The following MOB1B variants were observed in gnomAD, a reference collection of about 807,000 sequenced individuals.
MOB1B encodes the protein MOB kinase activator 1B, also known as MOB1 Mps One Binder homolog B.
Under a neutral mutation model 24.4 loss-of-function variants are expected in MOB1B, and 19 were observed. The ratio of observed to expected loss-of-function variants is 0.78; its 90% CI spans 0.54 to 1.14. The LOEUF (loss-of-function observed/expected upper bound fraction) is 1.14, where lower values mean the gene tolerates loss of function less well. Among genes scored for constraint, MOB1B ranks in the 50% most tolerant of loss-of-function variants. MOB1B has a pLI of 0.00. For synonymous variants in MOB1B, 76 were observed against 82.1 expected, an observed-to-expected ratio of 0.93 and a Z score of 0.40; for missense variants, 243 against 259.6, an observed-to-expected ratio of 0.94 and a Z score of 0.44.
chr4:70,978,603 CAGTGCTGTAAA>C (rs1433410670), intron 4 of MOB1B, among the ~76,000 whole-genome samples: 1 of 152,130 alleles, frequency 6.6e-6, no homozygotes, highest in Non-Finnish European at 1.5e-5. Context: ...TTTTGTATTT[CAGTGCTGTAAA>C]AGTGCTGTAA....
In MOB1B at chr4:70,942,288, A is replaced by G. The variant is rs1451870566; in HGVS notation, c.15-16586A>G. Among the ~76,000 whole-genome samples the G allele has an allele frequency of 2.0e-5, 3 of 152,014 alleles. No homozygotes were observed. The East Asian group carries it at 5.8e-4, about 29-fold the overall frequency. On this transcript the variant is annotated intron_variant, in intron 1 of 5. Coordinates refer to ENST00000309395, the MANE Select transcript of MOB1B (RefSeq NM_173468.4). ...TATTAAAGTGGTCTATTAAAGTGGA[A>G]TTGCCATTTAATATTCTAGTGGTCT...
intron 1 of MOB1B, among the ~76,000 whole-genome samples, chr4:70,908,757 ACAGTGAGACTT>A (rs1735857658): frequency 7.9e-6 from 1 of 127,234 alleles, no homozygotes; most frequent in African/African-American, 3.1e-5. Context: ...CTTGGGCAAC[ACAGTGAGACTT>A]CGTCTTAAAA....
chr4:70,946,006 T>C (rs550735350), intron 1 of MOB1B, among the ~76,000 whole-genome samples: 9 of 151,670 alleles, frequency 5.9e-5, no homozygotes, highest in Non-Finnish European at 1.3e-4. Context: ...GCATTAAGAC[T>C]ACACAACTTC....
chr4:70,924,798 T>C (rs1033304526), intron 1 of MOB1B, among the ~76,000 whole-genome samples: 4 of 152,214 alleles, frequency 2.6e-5, no homozygotes, highest in Non-Finnish European at 5.9e-5. Flanking sequence ...GCTTCATCCA[T>C]GTACCTGCAA....
At chr4:70,965,786 G>C (rs1425852666) in intron 2 of MOB1B, among the ~76,000 whole-genome samples, 1 of 105,356 alleles carries the variant, frequency 9.5e-6, no homozygotes, top group Non-Finnish European at 1.7e-5. Context: ...GACAGAGCGA[G>C]ACTCCGTCTC....
At chr4:70,922,409 T>C (rs1286754416) in intron 1 of MOB1B, among the ~76,000 whole-genome samples, 1 of 152,130 alleles carries the variant, frequency 6.6e-6, no homozygotes, top group Non-Finnish European at 1.5e-5. Context: ...ACATGTAAAA[T>C]AAACATTGGT....
chr4:70,965,195 G>T (rs1303810377), intron 2 of MOB1B, among the ~76,000 whole-genome samples: 1 of 149,766 alleles, frequency 6.7e-6, no homozygotes, highest in Admixed American at 6.7e-5. Flanking sequence ...TGCTTGGGAG[G>T]CTGAAGCAGG....
At chr4:70,945,647 A>G (rs1029799982) in intron 1 of MOB1B, among the ~76,000 whole-genome samples, 2 of 152,198 alleles carry the variant, frequency 1.3e-5, no homozygotes, top group Non-Finnish European at 2.9e-5. Context: ...CTGAAGCTCT[A>G]TTCTGACCTA....
chr4:70,907,307 A>G (rs1735789112), intron 1 of MOB1B, among the ~76,000 whole-genome samples: 1 of 152,160 alleles, frequency 6.6e-6, no homozygotes, highest in African/African-American at 2.4e-5. Context: ...TGCATATAAA[A>G]GGCAGGGAAA....
chr4:70,964,879 G>C (rs1462913042), intron 2 of MOB1B, among the ~76,000 whole-genome samples: 2 of 150,488 alleles, frequency 1.3e-5, no homozygotes, highest in Admixed American at 1.3e-4. Flanking sequence ...GTAGTGAGCT[G>C]AGATTGCACC....
In MOB1B at chr4:70,983,985, A is replaced by G. The variant is rs1214167274; in HGVS notation, c.*1928A>G. 1.3e-5 allele frequency: 2 copies of G among 152,612 alleles called. No individual in the cohort carries two copies. Among genetic ancestry groups the G allele is most frequent in the East Asian group, 1.9e-4 (1 of 5,206 alleles). 9.5% of individuals were successfully genotyped at this position (152,612 alleles called of 1,614,324 possible). On this transcript the variant is annotated 3_prime_UTR_variant, in exon 6 of 6. Transcript: ENST00000309395. ...AGGTGATTTTGAATCTTGTCCATAT[A>G]GGAAAATGAAGCACAGAATTACTCA...
chr4:70,902,622 C>T (rs1353711790), intron 1 of MOB1B, 72 bp downstream of exon 1: 1 of 1,424,054 alleles, frequency 7.0e-7, no homozygotes, highest in Non-Finnish European at 9.4e-7. Context: ...GCCCGCCGCC[C>T]GTCGCCCGCC....
rs4295232 is a variant in MOB1B at position 70,950,908 on chromosome 4, G to A, written c.15-7966G>A. The A allele has an allele frequency of 1.6e-3, 1,174 of 735,290 alleles. 24 individuals are homozygous for A. The South Asian group carries it at 0.017, about 11-fold the overall frequency. The allele number at this position is 735,290 out of a possible 1,614,324, so 45.5% of individuals were successfully genotyped here. A position where few individuals can be genotyped will look rare whatever the true frequency, so the allele number is the denominator to read the frequency against. On this transcript the variant is annotated intron_variant, in intron 1 of 5. Coordinates refer to ENST00000309395, the MANE Select transcript of MOB1B (RefSeq NM_173468.4). ...TAGGTATTATTATCTCCATTTTGTA[G>A]ACGAGGAAGCTGAGACTCAGTAACA...
intron 1 of MOB1B, among the ~76,000 whole-genome samples, chr4:70,933,612 T>C (rs7655638): frequency 0.92 from 133,503 of 145,172 alleles, 61,770 homozygotes; most frequent in Non-Finnish European, 0.97. Flanking sequence ...AGTGCAATGG[T>C]GTGATCTCGG....
At position 70,931,969 on chromosome 4, in the gene MOB1B, A is replaced by G. The variant is rs978113028; in HGVS notation, c.15-26905A>G. ...AGTCTCGAAGTCCTGGGCTCAAGCA[A>G]TCCTCCCACTTCGGCCTTCCAAACT... On this transcript the variant is annotated intron_variant, in intron 1 of 5. Transcript: ENST00000309395. Among the ~76,000 whole-genome samples, 4 of 152,064 alleles carry G rather than the reference A, an allele frequency of 2.6e-5. No homozygotes were observed. The South Asian group carries it at 6.2e-4, about 24-fold the overall frequency.
chr4:70,905,389 C>A (rs1324550924), intron 1 of MOB1B, among the ~76,000 whole-genome samples: 1 of 151,950 alleles, frequency 6.6e-6, no homozygotes, highest in African/African-American at 2.4e-5. Context: ...GCTGGTACTA[C>A]AGGTATGCTC....
chr4:70,961,229 C>A (rs1738289977), intron 2 of MOB1B, among the ~76,000 whole-genome samples: 1 of 152,172 alleles, frequency 6.6e-6, no homozygotes, highest in Non-Finnish European at 1.5e-5. Context: ...TAGTCTCTCT[C>A]TTTCAAAATA....
At chr4:70,951,223 A>T (rs1191873689) in intron 1 of MOB1B, among the ~76,000 whole-genome samples, 1 of 152,198 alleles carries the variant, frequency 6.6e-6, no homozygotes, top group Non-Finnish European at 1.5e-5. Context: ...GCAGCCAGCA[A>T]GCAAGCATTT....
At chr4:70,921,482 C>CTCCCCTCCCT (rs1736435307) in intron 1 of MOB1B, among the ~76,000 whole-genome samples, 2 of 19,614 alleles carry the variant, frequency 1.0e-4, no homozygotes, top group Non-Finnish European at 3.1e-4. Context: ...CTTCTCTTCT[C>CTCCCCTCCCT]TCCCCTCCCC....
Sources: gnomAD v4.1 joint callset for allele counts (sites outside exome capture counted in the v4.1 genomes callset) on GRCh38, gnomAD v4.1.1 for gene constraint, MANE v1.5 for transcripts, NCBI Gene and HGNC (gene_info 2026-07-23, HGNC 2026-07-21) for gene names.